Variants in COBL observed in about 807,000 individuals in gnomAD.
The protein encoded by COBL is cordon-bleu WH2 repeat protein, also known as protein cordon-bleu.
Under a neutral mutation model 98.8 loss-of-function variants are expected in COBL, and 51 were observed. That is an observed-to-expected ratio of 0.52 (90% confidence interval 0.41 to 0.65). The LOEUF is 0.65. Ranked by LOEUF, COBL falls within the 30% of genes least tolerant of loss-of-function variation. The pLI, the probability that COBL is intolerant of heterozygous loss-of-function variation, is 0.00. For missense variants in COBL, 1,617 were observed against 1,617.5 expected (o/e 1.00, Z 0.01); for synonymous variants, 634 against 651.7 (o/e 0.97, Z 0.41).
chr7:51,254,668 T>C (rs905151760), intron 1 of COBL, among the ~76,000 whole-genome samples: 8 of 152,208 alleles, frequency 5.3e-5, no homozygotes, highest in African/African-American at 1.9e-4. Context: ...CCTAGAATTC[T>C]CTAGAAAGTG....
rs200928312 is a variant in COBL at position 51,284,257 on chromosome 7, C to T, written c.41+32336G>A. ...CAGAGCTTGCAGTGAGCAGAGATTGCGCCACTGCACTCCAGCCTGGGCAAC... is the reference window on the plus strand; with the variant it reads ...CAGAGCTTGCAGTGAGCAGAGATTGTGCCACTGCACTCCAGCCTGGGCAAC... On this transcript the variant is annotated intron_variant, in intron 1 of 12. Transcript: ENST00000265136. Among the ~76,000 whole-genome samples the T allele has an allele frequency of 6.7e-5, 10 of 149,746 alleles. No homozygotes were observed. In the East Asian group the frequency reaches 1.0e-3, roughly 15 times the overall value.
intron 7 of COBL, among the ~76,000 whole-genome samples, chr7:51,075,612 A>G (rs565592263): frequency 1.1e-4 from 16 of 152,156 alleles, no homozygotes; most frequent in Non-Finnish European, 1.8e-4. Flanking sequence ...GGTTTGCAAA[A>G]TTCCTGAAAT....
intron 6 of COBL, among the ~76,000 whole-genome samples, chr7:51,108,773 T>A: frequency 6.6e-6 from 1 of 152,018 alleles, no homozygotes; most frequent in East Asian, 1.9e-4. Context: ...TCCCCCAAAC[T>A]CAGCCCTCCC....
chr7:51,123,805 C>A (rs116516730), intron 6 of COBL, among the ~76,000 whole-genome samples: 1 of 152,146 alleles, frequency 6.6e-6, no homozygotes, highest in Non-Finnish European at 1.5e-5. Flanking sequence ...TGCAGTGCTA[C>A]GCCATGTGAC....
At chr7:51,058,045 T>G (rs1270419636) in intron 7 of COBL, among the ~76,000 whole-genome samples, 1 of 152,220 alleles carries the variant, frequency 6.6e-6, no homozygotes, top group Non-Finnish European at 1.5e-5. Context: ...CACAAACATT[T>G]GGAAAGAAAA....
intron 1 of COBL, among the ~76,000 whole-genome samples, chr7:51,280,347 C>T (rs1439445398): frequency 2.6e-5 from 4 of 152,146 alleles, no homozygotes; most frequent in African/African-American, 9.7e-5. Context: ...CTCCCTGCTC[C>T]TATGAGCCCC....
At chr7:51,066,629 G>A (rs1297107187) in intron 7 of COBL, among the ~76,000 whole-genome samples, 1 of 152,144 alleles carries the variant, frequency 6.6e-6, no homozygotes, top group Non-Finnish European at 1.5e-5. Context: ...AGATTTAAGG[G>A]TTACTCCAGG....
chr7:51,017,678 G>C (rs1786406859), intron 12 of COBL, 110 bp from the exon 13 acceptor site: 1 of 1,149,470 alleles, frequency 8.7e-7, no homozygotes, highest in Non-Finnish European at 1.3e-6. Flanking sequence ...AGTACTCCTG[G>C]AACCCCCTTC....
At chr7:51,127,048 G>A (rs1457711503) in intron 6 of COBL, among the ~76,000 whole-genome samples, 1 of 152,166 alleles carries the variant, frequency 6.6e-6, no homozygotes, top group Non-Finnish European at 1.5e-5. Flanking sequence ...CCCAAGCTGG[G>A]GAGTCAGCCA....
At position 51,209,450 on chromosome 7, in the gene COBL, G is replaced by A. The variant is rs562566226; in HGVS notation, c.245+10291C>T. Among the ~76,000 whole-genome samples the A allele has an allele frequency of 2.0e-5, 3 of 152,304 alleles. No individual in the cohort carries two copies. The East Asian group carries it at 5.8e-4, about 29-fold the overall frequency. On this transcript the variant is annotated intron_variant, in intron 2 of 12. Transcript: ENST00000265136. Reference sequence around the variant, plus strand: ...CAACCCTCCAGAACCCCACAGCGGGGCGTGCAGGTTAATAACTACCATGAG... The same window carrying A: ...CAACCCTCCAGAACCCCACAGCGGGACGTGCAGGTTAATAACTACCATGAG...
intron 1 of COBL, among the ~76,000 whole-genome samples, chr7:51,310,868 G>C (rs1475951993): frequency 2.0e-5 from 3 of 152,094 alleles, no homozygotes; most frequent in Non-Finnish European, 4.4e-5. Flanking sequence ...ATCTTGGCCA[G>C]GATGGTCTCG....
At chr7:51,192,144 C>A (rs1268899552) in intron 3 of COBL, among the ~76,000 whole-genome samples, 1 of 152,072 alleles carries the variant, frequency 6.6e-6, no homozygotes, top group African/African-American at 2.4e-5. Context: ...TCAGAGTGTT[C>A]CAGATAACAG....
chr7:51,270,848 A>T (rs892664568), intron 1 of COBL, among the ~76,000 whole-genome samples: 1 of 152,140 alleles, frequency 6.6e-6, no homozygotes, highest in Non-Finnish European at 1.5e-5. Context: ...CCAAAAAAAA[A>T]CAAGAAATCA....
At chr7:51,094,674 T>C (rs1013520988) in intron 6 of COBL, among the ~76,000 whole-genome samples, 1 of 152,144 alleles carries the variant, frequency 6.6e-6, no homozygotes, top group Admixed American at 6.5e-5. Context: ...AGCATATGAA[T>C]ATATAAAGTT....
At chr7:51,170,273 C>T (rs908287633) in intron 5 of COBL, among the ~76,000 whole-genome samples, 1 of 151,704 alleles carries the variant, frequency 6.6e-6, no homozygotes. Context: ...GATGTGTTGA[C>T]CCTGTTGTAT....
chr7:51,290,398 A>C (rs1361420876), intron 1 of COBL, among the ~76,000 whole-genome samples: 1 of 152,206 alleles, frequency 6.6e-6, no homozygotes, highest in African/African-American at 2.4e-5. Context: ...TTTCCAGCAG[A>C]GATAATGTGA....
At chr7:51,123,586 C>T (rs1797934725) in intron 6 of COBL, among the ~76,000 whole-genome samples, 1 of 152,202 alleles carries the variant, frequency 6.6e-6, no homozygotes, top group South Asian at 2.1e-4. Flanking sequence ...TAAGAAAACA[C>T]TCCAGTGAAA....
intron 5 of COBL, among the ~76,000 whole-genome samples, chr7:51,155,589 CAAAAAAAAAAAAAAAAAA>C (rs58500324): frequency 2.3e-4 from 7 of 30,788 alleles, no homozygotes; most frequent in East Asian, 1.5e-3. Context: ...GACTCCATCT[CAAAAAAAAAAAAAAAAAA>C]AAAAAAAAAA....
At chr7:51,170,165 C>T (rs1787710920) in intron 5 of COBL, among the ~76,000 whole-genome samples, 3 of 150,846 alleles carry the variant, frequency 2.0e-5, no homozygotes, top group Admixed American at 2.0e-4. Context: ...ATTTTTTTTC[C>T]TACTGTATAC....
Sources: gnomAD v4.1 joint callset for allele counts (sites outside exome capture counted in the v4.1 genomes callset) on GRCh38, gnomAD v4.1.1 for gene constraint, MANE v1.5 for transcripts, NCBI Gene and HGNC (gene_info 2026-07-23, HGNC 2026-07-21) for gene names.